AUTS2: variants seen among roughly 807,000 people sequenced by gnomAD.
AUTS2 encodes the protein autism susceptibility gene 2 protein.
A neutral mutation model predicts 112.4 loss-of-function variants in AUTS2; 17 were observed. That is an observed-to-expected ratio of 0.15 (90% CI 0.10 to 0.23). The LOEUF is 0.23. Ranked by LOEUF, AUTS2 falls within the 10% of genes least tolerant of loss-of-function variation. The pLI is 1.00. For synonymous variants in AUTS2, 751 were observed against 702.7 expected (o/e 1.07, Z -1.09); for missense variants, 1,510 against 1,701.6 (o/e 0.89, Z 1.98).
At chr7:70,490,684 G>A (rs1406730468) in intron 5 of AUTS2, among the ~76,000 whole-genome samples, 3 of 152,116 alleles carry the variant, frequency 2.0e-5, no homozygotes, top group Non-Finnish European at 4.4e-5. Context: ...ACATCGTTGA[G>A]CATTGGCCAG....
intron 17 of AUTS2, 138 bp downstream of exon 17, chr7:70,786,176 C>A (rs1791462479): frequency 2.8e-6 from 2 of 702,804 alleles, no homozygotes; most frequent in African/African-American, 1.8e-5. Flanking sequence ...CAAAAGCAGG[C>A]CTTCACAGTG....
intron 5 of AUTS2, among the ~76,000 whole-genome samples, chr7:70,599,400 C>G (rs1255541373): frequency 6.6e-6 from 1 of 152,208 alleles, no homozygotes; most frequent in Non-Finnish European, 1.5e-5. Context: ...CTCATAGAGT[C>G]TCCTCATTAT....
chr7:69,661,507 T>G (rs747368166), intron 1 of AUTS2, among the ~76,000 whole-genome samples: 22 of 152,312 alleles, frequency 1.4e-4, no homozygotes, highest in Non-Finnish European at 2.6e-4. Flanking sequence ...TGTTGGTGGT[T>G]GTTTCTTATG....
At chr7:70,433,800 C>T (rs1003758269) in intron 4 of AUTS2, among the ~76,000 whole-genome samples, 8 of 152,188 alleles carry the variant, frequency 5.3e-5, no homozygotes, top group South Asian at 2.1e-4. Flanking sequence ...GCTTTTACTA[C>T]GGAGTGCTTA....
intron 4 of AUTS2, 22 bp downstream of exon 4, chr7:70,134,593 C>T: frequency 6.2e-7 from 1 of 1,611,114 alleles, no homozygotes; most frequent in South Asian, 1.1e-5. Flanking sequence ...TCAACTTCCA[C>T]ATATGTGCCT....
chr7:70,298,647 A>T (rs541169611), intron 4 of AUTS2, among the ~76,000 whole-genome samples: 3 of 152,236 alleles, frequency 2.0e-5, no homozygotes, highest in Non-Finnish European at 2.9e-5. Context: ...TGGCTGAGGC[A>T]TGAAGGATCT....
In AUTS2 at chr7:69,798,803, C is replaced by A. The variant is rs188969303; in HGVS notation, c.310-100483C>A. Among the ~76,000 whole-genome samples, 914 of 152,114 alleles carry A rather than the reference C, an allele frequency of 6.0e-3. 6 individuals carry two copies. The highest frequency in any genetic ancestry group is 8.0e-3 in the Non-Finnish European group (545 of 67,996). On this transcript the variant is annotated intron_variant, in intron 1 of 18. Coordinates refer to ENST00000342771, the MANE Select transcript of AUTS2 (RefSeq NM_015570.4). ...GCCAGAAGTTTGAGATCAGCCTGGACAACATAGTGGGATCCTATCTCTACA... is the reference window on the plus strand; with the variant it reads ...GCCAGAAGTTTGAGATCAGCCTGGAAAACATAGTGGGATCCTATCTCTACA...
At chr7:70,605,529 T>A (rs1259997673) in intron 5 of AUTS2, among the ~76,000 whole-genome samples, 1 of 148,060 alleles carries the variant, frequency 6.8e-6, no homozygotes, top group Admixed American at 6.9e-5. Flanking sequence ...TTTTTCTTTC[T>A]TTCTTTCCTT....
chr7:69,917,822 T>TTTGTTGTTGTTGTTG (rs58362194), intron 2 of AUTS2, among the ~76,000 whole-genome samples: 21 of 149,118 alleles, frequency 1.4e-4, no homozygotes, highest in East Asian at 5.9e-4. Context: ...CAAGGACACC[T>TTTGTTGTTGTTGTTG]TTGTTGTTGT....
At position 70,004,391 on chromosome 7, in the gene AUTS2, A is replaced by G. The variant is rs1409990317; in HGVS notation, c.522+104893A>G. ...ATATATATTCATATATATATTATAT[A>G]TATGAATATATATGTGAATATATAA... On this transcript the variant is annotated intron_variant, in intron 2 of 18. Coordinates refer to ENST00000342771, the MANE Select transcript of AUTS2 (RefSeq NM_015570.4). Among the ~76,000 whole-genome samples, 4 of 108,128 alleles carry G rather than the reference A, an allele frequency of 3.7e-5. No individual in the cohort carries two copies. The East Asian group carries it at 7.6e-4, about 21-fold the overall frequency. 70.9% of individuals were successfully genotyped at this position (108,128 alleles called of 152,430 possible).
Position 70,621,155 on chromosome 7 carries a change from T to C in AUTS2, c.691-77414T>C, listed in dbSNP as rs150814782. On this transcript the variant is annotated intron_variant, in intron 5 of 18. Transcript: ENST00000342771. Reference sequence around the variant, plus strand: ...CTTTCTTCCCCTTCCCTGATGCTCATGAATAGCACGTGGAAGGGTTGAGTG... The same window carrying C: ...CTTTCTTCCCCTTCCCTGATGCTCACGAATAGCACGTGGAAGGGTTGAGTG... Among the ~76,000 whole-genome samples the C allele has an allele frequency of 5.2e-3, 794 of 152,352 alleles. 7 individuals are homozygous for C. The highest frequency in any genetic ancestry group is 0.018 in the African/African-American group (741 of 41,592).
chr7:70,585,343 T>C (rs1802631319), intron 5 of AUTS2, among the ~76,000 whole-genome samples: 1 of 152,122 alleles, frequency 6.6e-6, no homozygotes, highest in African/African-American at 2.4e-5. Context: ...CTCAGAGCAC[T>C]TTACAACACA....
intron 4 of AUTS2, among the ~76,000 whole-genome samples, chr7:70,264,301 G>A (rs1320651073): frequency 6.6e-6 from 1 of 152,056 alleles, no homozygotes; most frequent in Non-Finnish European, 1.5e-5. Context: ...TTCACCTCCT[G>A]GGTTCAAGCG....
intron 2 of AUTS2, among the ~76,000 whole-genome samples, chr7:70,051,620 G>A (rs1801760210): frequency 6.6e-6 from 1 of 152,232 alleles, no homozygotes; most frequent in East Asian, 1.9e-4. Flanking sequence ...TCAGGAGGCT[G>A]AGGCAGGAGA....
At chr7:70,352,785 T>C (rs564004578) in intron 4 of AUTS2, among the ~76,000 whole-genome samples, 1 of 151,964 alleles carries the variant, frequency 6.6e-6, no homozygotes, top group Non-Finnish European at 1.5e-5. Flanking sequence ...GAGGCTGAGG[T>C]AGAGAATAAT....
At position 69,755,301 on chromosome 7, in the gene AUTS2, C is replaced by T. The variant is rs775683237; in HGVS notation, c.310-143985C>T. 5.9e-5 allele frequency among the ~76,000 whole-genome samples: 9 copies of T among 152,230 alleles called. No individual in the cohort carries two copies. The South Asian group carries it at 6.2e-4, about 11-fold the overall frequency. ...CTGAGGCTGAGATGGCACAAAGCAC[C>T]GTGGTATCTTGGGGTTACTTTATAA... On this transcript the variant is annotated intron_variant, in intron 1 of 18. Coordinates refer to ENST00000342771, the MANE Select transcript of AUTS2 (RefSeq NM_015570.4).
intron 1 of AUTS2, among the ~76,000 whole-genome samples, chr7:69,752,138 G>C (rs1441738610): frequency 6.6e-6 from 1 of 152,150 alleles, no homozygotes; most frequent in East Asian, 1.9e-4. Flanking sequence ...TGAGTTCACT[G>C]GTCTGGCACT....
At chr7:70,470,210 A>G (rs1369157438) in intron 5 of AUTS2, among the ~76,000 whole-genome samples, 1 of 152,158 alleles carries the variant, frequency 6.6e-6, no homozygotes, top group East Asian at 1.9e-4. Flanking sequence ...GTCTTTTAGG[A>G]TAAGAACCGA....
At chr7:69,925,519 T>C (rs1446249545) in intron 2 of AUTS2, among the ~76,000 whole-genome samples, 1 of 152,128 alleles carries the variant, frequency 6.6e-6, no homozygotes, top group Non-Finnish European at 1.5e-5. Context: ...ATTTTAGGGG[T>C]TTTCCAGGGA....
Sources: allele counts gnomAD v4.1 joint callset (sites outside exome capture counted in the v4.1 genomes callset), GRCh38; gene constraint gnomAD v4.1.1; transcripts MANE v1.5; gene names NCBI Gene and HGNC (gene_info 2026-07-23, HGNC 2026-07-21).